ARHGEF26: variants seen among roughly 807,000 people sequenced by gnomAD.
ARHGEF26 encodes the protein Rho guanine nucleotide exchange factor 26.
ARHGEF26 carries 59 observed loss-of-function variants against 89.4 expected under a neutral mutation model. The observed-to-expected ratio is 0.66, with a 90% CI of 0.54 to 0.82. The LOEUF is 0.82. ARHGEF26 is among the 40% of genes least tolerant of loss of function. The pLI, the probability that ARHGEF26 is intolerant of heterozygous loss-of-function variation, is 0.00. For missense variants in ARHGEF26, 1,234 were observed against 1,085.6 expected, an observed-to-expected ratio of 1.14 and a Z score of -1.92; for synonymous variants, 500 against 428.4, an observed-to-expected ratio of 1.17 and a Z score of -2.06.
chr3:154,176,356 A>G (rs1290962883), intron 6 of ARHGEF26, among the ~76,000 whole-genome samples: 1 of 152,084 alleles, frequency 6.6e-6, no homozygotes, highest in Non-Finnish European at 1.5e-5. Context: ...CAAAGTTAAG[A>G]TAAACTTTTT....
chr3:154,130,147 A>ATTTTTTTTTTTTT (rs55816788), intron 4 of ARHGEF26, among the ~76,000 whole-genome samples: 11 of 105,942 alleles, frequency 1.0e-4, no homozygotes, highest in African/African-American at 2.8e-4. Context: ...TTCCTTGGAA[A>ATTTTTTTTTTTTT]TTTTTTTTTT....
At chr3:154,249,710 G>C (rs183629583) in intron 12 of ARHGEF26, among the ~76,000 whole-genome samples, 51 of 152,304 alleles carry the variant, frequency 3.3e-4, no homozygotes, top group Admixed American at 1.6e-3. Flanking sequence ...GGTAGAGGAA[G>C]GAGTGGTAAG....
At chr3:154,153,853 T>TA (rs1165142802) in intron 6 of ARHGEF26, among the ~76,000 whole-genome samples, 4 of 152,136 alleles carry the variant, frequency 2.6e-5, no homozygotes, top group African/African-American at 9.7e-5. Context: ...TACTTTTTTT[T>TA]ACCTCTATCC....
intron 6 of ARHGEF26, among the ~76,000 whole-genome samples, chr3:154,174,396 T>C (rs1712669813): frequency 6.6e-6 from 1 of 152,196 alleles, no homozygotes; most frequent in Admixed American, 6.5e-5. Context: ...CGAAGCACAC[T>C]GTGTTGGCTT....
chr3:154,204,160 T>C (rs1227134815), intron 9 of ARHGEF26, among the ~76,000 whole-genome samples: 2 of 152,064 alleles, frequency 1.3e-5, no homozygotes, highest in Non-Finnish European at 2.9e-5. Context: ...TTATTACAGC[T>C]TCAATCTCAT....
At chr3:154,183,111 T>C in intron 6 of ARHGEF26, among the ~76,000 whole-genome samples, 1 of 152,158 alleles carries the variant, frequency 6.6e-6, no homozygotes, top group East Asian at 1.9e-4. Context: ...GCTGAGGAGC[T>C]CACCTTGGCA....
chr3:154,155,758 AATGTAGTTC>A (rs1720303571), intron 6 of ARHGEF26, among the ~76,000 whole-genome samples: 6 of 151,960 alleles, frequency 3.9e-5, no homozygotes, highest in Non-Finnish European at 8.8e-5. Context: ...ACAAAAGTAT[AATGTAGTTC>A]ATGGTTAGTA....
intron 6 of ARHGEF26, among the ~76,000 whole-genome samples, chr3:154,167,215 G>C (rs765455773): frequency 3.3e-5 from 5 of 152,118 alleles, no homozygotes; most frequent in Non-Finnish European, 5.9e-5. Context: ...AAATATTTTA[G>C]GATGAGAGCA....
At position 154,124,357 on chromosome 3, in the gene ARHGEF26, C is replaced by T. The variant is rs1576674473; in HGVS notation, c.1084-53C>T. ...GTATTTTCTATTTGGCTCATTCATA[C>T]ATAGTTTGCTTTTCCTTTTTTTTTT... On this transcript the variant is annotated intron_variant, in intron 2 of 14. Transcript: ENST00000465093. The T allele has an allele frequency of 6.9e-5, 84 of 1,217,432 alleles. No homozygotes were observed. In the East Asian group the frequency reaches 2.4e-3, roughly 34 times the overall value. The allele number at this position is 1,217,432 out of a possible 1,614,324, so 75.4% of individuals were successfully genotyped here. A position where few individuals can be genotyped will look rare whatever the true frequency, so the allele number is the denominator to read the frequency against.
chr3:154,180,787 T>C (rs1381101925), intron 6 of ARHGEF26, among the ~76,000 whole-genome samples: 2 of 151,728 alleles, frequency 1.3e-5, no homozygotes, highest in East Asian at 3.9e-4. Context: ...AGACATATAG[T>C]CTGCTGAAAA....
chr3:154,233,727 G>T (rs1716945208), intron 11 of ARHGEF26, among the ~76,000 whole-genome samples: 1 of 152,238 alleles, frequency 6.6e-6, no homozygotes, highest in African/African-American at 2.4e-5. Flanking sequence ...CTGTATACAT[G>T]CAAAGAGAAA....
At chr3:154,161,039 G>C in intron 6 of ARHGEF26, among the ~76,000 whole-genome samples, 1 of 151,854 alleles carries the variant, frequency 6.6e-6, no homozygotes, top group Non-Finnish European at 1.5e-5. Context: ...CGAAGGTATA[G>C]TGGCAGTTGG....
At chr3:154,212,684 G>A (rs1014700251) in intron 9 of ARHGEF26, among the ~76,000 whole-genome samples, 3 of 152,056 alleles carry the variant, frequency 2.0e-5, no homozygotes, top group African/African-American at 4.8e-5. Flanking sequence ...CTCATAAGGA[G>A]CACACAGCCT....
At chr3:154,216,491 TATTTTTTTTTATTTTTTA>T (rs1362463881) in intron 9 of ARHGEF26, among the ~76,000 whole-genome samples, 3 of 39,360 alleles carry the variant, frequency 7.6e-5, no homozygotes, top group African/African-American at 1.7e-4. Flanking sequence ...TTTTTTTTTT[TATTTTTTTTTATTTTTTA>T]TTTTTTTTTT....
chr3:154,128,398 C>T (rs575467254), intron 3 of ARHGEF26, among the ~76,000 whole-genome samples: 14 of 152,178 alleles, frequency 9.2e-5, no homozygotes, highest in East Asian at 5.8e-4. Context: ...CCACCACACT[C>T]GGCTAATTTG....
Position 154,121,980 on chromosome 3 carries a change from T to C in ARHGEF26, c.-13T>C. ...GGTGTTGCTCCTCCCGGCGCTGACT[T>C]CGAGGCCCGGCTATGGACGGCGAGA... On this transcript the variant is annotated 5_prime_UTR_variant, in exon 2 of 15. Coordinates refer to ENST00000465093, the MANE Select transcript of ARHGEF26 (RefSeq NM_015595.4). 6.3e-7 allele frequency: 1 copy of C among 1,578,570 alleles called. No homozygotes were observed. The highest frequency in any genetic ancestry group is 8.6e-7 in the Non-Finnish European group (1 of 1,156,706).
intron 6 of ARHGEF26, among the ~76,000 whole-genome samples, chr3:154,166,194 G>A (rs1027831581): frequency 6.6e-6 from 1 of 152,050 alleles, no homozygotes; most frequent in Non-Finnish European, 1.5e-5. Context: ...GGGACTACAG[G>A]CACATGCCAC....
At position 154,166,257 on chromosome 3, in the gene ARHGEF26, A is replaced by G. The variant is rs181939034; in HGVS notation, c.1487+13325A>G. ...AGTAGAGACGGGGTTTCACCATGTT[A>G]GCCAGAATGGTCTCGATCTCCTGAC... On this transcript the variant is annotated intron_variant, in intron 6 of 14. Transcript: ENST00000465093. Among the ~76,000 whole-genome samples the G allele has an allele frequency of 2.4e-3, 369 of 152,074 alleles. 2 individuals carry two copies. The highest frequency in any genetic ancestry group is 8.1e-3 in the African/African-American group (337 of 41,510).
At chr3:154,195,225 T>C (rs1415522158) in intron 9 of ARHGEF26, among the ~76,000 whole-genome samples, 2 of 151,790 alleles carry the variant, frequency 1.3e-5, no homozygotes, top group Non-Finnish European at 2.9e-5. Context: ...GGGAAGAGAG[T>C]GTCTCAGGTA....
Sources: gnomAD v4.1 joint callset for allele counts (sites outside exome capture counted in the v4.1 genomes callset) on GRCh38, gnomAD v4.1.1 for gene constraint, MANE v1.5 for transcripts, NCBI Gene and HGNC (gene_info 2026-07-23, HGNC 2026-07-21) for gene names.